The following ZFAT variants were observed in gnomAD, a reference collection of about 807,000 sequenced individuals.
The protein encoded by ZFAT is zinc finger and AT-hook domain containing, also known as zinc finger protein ZFAT.
Under a neutral mutation model 117.7 loss-of-function variants are expected in ZFAT, and 64 were observed. The observed-to-expected ratio is 0.54, with a 90% CI of 0.44 to 0.67. ZFAT has a LOEUF of 0.67. Among genes scored for constraint, ZFAT ranks in the 30% least tolerant of loss-of-function variants. The pLI is 0.00. For missense variants in ZFAT, 1,433 were observed against 1,584.5 expected (o/e 0.90, Z 1.62); for synonymous variants, 679 against 615.0 (o/e 1.10, Z -1.54).
the ZFAT span, among the ~76,000 whole-genome samples, chr8:134,782,257 G>A: frequency 6.6e-6 from 1 of 152,184 alleles, no homozygotes; most frequent in Non-Finnish European, 1.5e-5. Flanking sequence ...TCTCAACGTA[G>A]AGTCACAAAA....
At chr8:134,669,721 C>T (rs1832454979) in intron 1 of ZFAT, among the ~76,000 whole-genome samples, 1 of 152,154 alleles carries the variant, frequency 6.6e-6, no homozygotes, top group Non-Finnish European at 1.5e-5. Context: ...CAGCTAACAT[C>T]ATTATGACAG....
chr8:134,668,737 A>G (rs1488245084), intron 1 of ZFAT, among the ~76,000 whole-genome samples: 2 of 152,260 alleles, frequency 1.3e-5, no homozygotes, highest in African/African-American at 4.8e-5. Flanking sequence ...CTAGCAAGGG[A>G]ACAAAGCTGG....
At chr8:134,761,698 CA>C in the ZFAT span, among the ~76,000 whole-genome samples, 50 of 140,748 alleles carry the variant, frequency 3.6e-4, no homozygotes, top group African/African-American at 4.4e-4. Context: ...GACTCCGTTT[CA>C]AAAAAAAAAA....
intron 1 of ZFAT, among the ~76,000 whole-genome samples, chr8:134,661,973 A>G (rs752211218): frequency 6.6e-6 from 1 of 152,236 alleles, no homozygotes; most frequent in African/African-American, 2.4e-5. Context: ...AAATCCTTCC[A>G]AAGGCCCTGT....
Position 134,602,514 on chromosome 8 carries a change from A to G in ZFAT, c.1205T>C (p.Leu402Pro). The G allele has an allele frequency of 6.2e-7, 1 of 1,613,942 alleles. No individual in the cohort carries two copies. The highest frequency in any genetic ancestry group is 8.5e-7 in the Non-Finnish European group (1 of 1,180,034). ...CLMTREGKRQ[L>P]LYDCHICERK... ...CTCACAGATGTGGCAGTCATAGAGC[A>G]GCTGCCGCTTGCCCTCCCTCGTCAT... is the stretch of plus-strand genomic sequence containing the variant. The change falls in exon 6 of 16, where the codon CTG becomes CCG. Residue 402 changes from leucine (L) to proline (P), a missense_variant. This residue lies in a region of ZFAT where 73 missense variants were observed against 122.0 expected (regional missense o/e 0.60). Transcript: ENST00000377838.
At chr8:134,555,908 C>A (rs193191718) in intron 11 of ZFAT, among the ~76,000 whole-genome samples, 1 of 144,768 alleles carries the variant, frequency 6.9e-6, no homozygotes, top group Non-Finnish European at 1.5e-5. Context: ...GAGGCTGAGG[C>A]AGGAGGATCA....
At chr8:134,720,302 G>A in the ZFAT span, among the ~76,000 whole-genome samples, 11 of 152,364 alleles carry the variant, frequency 7.2e-5, no homozygotes, top group East Asian at 2.1e-3. Context: ...GCCACTAAGT[G>A]TGGGAGTAGT....
chr8:134,667,539 C>T (rs1230552153), intron 1 of ZFAT, among the ~76,000 whole-genome samples: 4 of 132,528 alleles, frequency 3.0e-5, no homozygotes, highest in African/African-American at 8.0e-5. Flanking sequence ...ATAGGTGCAG[C>T]AAACCACCAG....
At chr8:134,519,575 G>A (rs978501366) in intron 13 of ZFAT, among the ~76,000 whole-genome samples, 1 of 152,032 alleles carries the variant, frequency 6.6e-6, no homozygotes, top group African/African-American at 2.4e-5. Flanking sequence ...GTTTGTATTA[G>A]CTTTTCATTC....
chr8:134,749,793 C>T, the ZFAT span, among the ~76,000 whole-genome samples: 2 of 152,182 alleles, frequency 1.3e-5, no homozygotes, highest in Middle Eastern at 3.2e-3. Context: ...TATGTGAAAT[C>T]TAAGTTCTCT....
chr8:134,759,983 A>AAC, the ZFAT span, among the ~76,000 whole-genome samples: 1 of 149,082 alleles, frequency 6.7e-6, no homozygotes, highest in African/African-American at 2.5e-5. Flanking sequence ...AAAAAAAAAA[A>AAC]AAAAAAACAA....
At chr8:134,758,765 T>C in the ZFAT span, among the ~76,000 whole-genome samples, 1 of 152,230 alleles carries the variant, frequency 6.6e-6, no homozygotes, top group Non-Finnish European at 1.5e-5. Context: ...ATGGGAGTGC[T>C]GGGAGAGCAA....
At chr8:134,573,880 G>GATC (rs1048178537) in intron 10 of ZFAT, among the ~76,000 whole-genome samples, 1 of 152,200 alleles carries the variant, frequency 6.6e-6, no homozygotes, top group African/African-American at 2.4e-5. Flanking sequence ...TGAATTCAAA[G>GATC]ATCACCAGAC....
At chr8:134,649,704 A>G (rs1831119608) in intron 2 of ZFAT, among the ~76,000 whole-genome samples, 1 of 152,234 alleles carries the variant, frequency 6.6e-6, no homozygotes, top group Admixed American at 6.5e-5. Flanking sequence ...AAGACATTAA[A>G]CAAGACCTAA....
intron 15 of ZFAT, among the ~76,000 whole-genome samples, chr8:134,484,968 C>A (rs1022106643): frequency 6.6e-6 from 1 of 152,052 alleles, no homozygotes; most frequent in Non-Finnish European, 1.5e-5. Flanking sequence ...AGTAAACACA[C>A]AATGATGATG....
intron 15 of ZFAT, among the ~76,000 whole-genome samples, chr8:134,484,163 G>A (rs2130046589): frequency 6.6e-6 from 1 of 152,300 alleles, no homozygotes; most frequent in African/African-American, 2.4e-5. Context: ...GTGCCCCGAG[G>A]AGCCAGTGCA....
At chr8:134,576,925 A>T (rs1825355465) in intron 10 of ZFAT, among the ~76,000 whole-genome samples, 1 of 152,172 alleles carries the variant, frequency 6.6e-6, no homozygotes, top group Non-Finnish European at 1.5e-5. Context: ...GAGGGGAGAG[A>T]CCCAAAGGAA....
the ZFAT span, among the ~76,000 whole-genome samples, chr8:134,786,414 G>T: frequency 6.6e-6 from 1 of 152,132 alleles, no homozygotes; most frequent in Non-Finnish European, 1.5e-5. Flanking sequence ...GTACTAATAC[G>T]TTTATTCATC....
intron 13 of ZFAT, among the ~76,000 whole-genome samples, chr8:134,517,504 C>G (rs1047952138): frequency 6.6e-6 from 1 of 152,150 alleles, no homozygotes; most frequent in Non-Finnish European, 1.5e-5. Flanking sequence ...TTCCTGGAGA[C>G]CCTTTACCCA....
Sources: gnomAD v4.1 joint callset for allele counts (sites outside exome capture counted in the v4.1 genomes callset) on GRCh38, gnomAD v4.1.1 for gene constraint, gnomAD v4.1.1 regional missense constraint, MANE v1.5 for transcripts, NCBI Gene and HGNC (gene_info 2026-07-23, HGNC 2026-07-21) for gene names.